Variants in ANKRD30B observed in about 807,000 individuals in gnomAD.
The protein encoded by ANKRD30B is ankyrin repeat domain-containing protein 30B.
ANKRD30B carries 144 observed loss-of-function variants against 202.2 expected under a neutral mutation model. The observed-to-expected ratio is 0.71, with a 90% CI of 0.62 to 0.82. The LOEUF is 0.82. Ranked by LOEUF, ANKRD30B falls within the 40% of genes least tolerant of loss-of-function variation. The pLI, the probability that ANKRD30B is intolerant of heterozygous loss-of-function variation, is 0.00. For synonymous variants in ANKRD30B, 508 were observed against 561.3 expected (o/e 0.91, Z 1.34); for missense variants, 1,487 against 1,669.1 (o/e 0.89, Z 1.90).
At chr18:14,913,545 G>C in the ANKRD30B span, among the ~76,000 whole-genome samples, 19 of 152,160 alleles carry the variant, frequency 1.2e-4, no homozygotes, top group Admixed American at 1.2e-3. Context: ...TCTTCATCAG[G>C]ACAGGATCTG....
rs1246274729 is a variant in ANKRD30B, at chr18:14,849,002, G to A, written c.3395+73G>A. ...AGTATGTAGGATACTTTTTGTAAAA[G>A]CTGACTTACCTTCTGAGATTTAACT... is the stretch of plus-strand genomic sequence containing the variant. On this transcript the variant is annotated intron_variant, in intron 40 of 43. Transcript: ENST00000690538. The A allele has an allele frequency of 3.0e-6, 4 of 1,350,914 alleles. No homozygotes were observed. The East Asian group carries it at 8.7e-5, about 29-fold the overall frequency. The allele number at this position is 1,350,914 out of a possible 1,614,324, so 83.7% of individuals were successfully genotyped here.
chr18:14,834,601 A>G (rs1317902060), intron 34 of ANKRD30B, among the ~76,000 whole-genome samples: 1 of 152,032 alleles, frequency 6.6e-6, no homozygotes, highest in African/African-American at 2.4e-5. Context: ...ATTTTAATAA[A>G]AAGCTGACAG....
the ANKRD30B span, among the ~76,000 whole-genome samples, chr18:14,872,434 ACTGGGAAGAGAC>A: frequency 6.6e-6 from 1 of 152,174 alleles, no homozygotes; most frequent in Non-Finnish European, 1.5e-5. Context: ...TGCATGCAGC[ACTGGGAAGAGAC>A]CTTGTTTTTT....
chr18:14,750,919 CT>C (rs36091651), intron 1 of ANKRD30B, among the ~76,000 whole-genome samples: 4 of 151,772 alleles, frequency 2.6e-5, no homozygotes, highest in African/African-American at 7.3e-5. Flanking sequence ...AATGTTTTTC[CT>C]TTTTTTATCT....
intron 6 of ANKRD30B, 102 bp downstream of exon 6, chr18:14,760,720 G>A: frequency 4.0e-6 from 3 of 752,656 alleles, no homozygotes; most frequent in Non-Finnish European, 6.6e-6. Context: ...CAAATAGCAT[G>A]TGTTTACATA....
intron 16 of ANKRD30B, 142 bp downstream of exon 16, chr18:14,791,633 A>G (rs1968516287): frequency 1.6e-6 from 1 of 644,712 alleles, no homozygotes; most frequent in Non-Finnish European, 2.6e-6. Context: ...GTGATAAGTT[A>G]TACGTCTTAT....
At chr18:14,859,150 A>C (rs1434278918), downstream of ANKRD30B, among the ~76,000 whole-genome samples, 1 of 126,290 alleles carries the variant, frequency 7.9e-6, no homozygotes, top group Admixed American at 7.4e-5. Context: ...GACCAGGAAG[A>C]GGCGCTCCTC....
At chr18:14,923,041 C>A in the ANKRD30B span, among the ~76,000 whole-genome samples, 1 of 152,182 alleles carries the variant, frequency 6.6e-6, no homozygotes, top group African/African-American at 2.4e-5. Context: ...AAGGGAAGAG[C>A]TCAGTCTTGG....
intron 34 of ANKRD30B, among the ~76,000 whole-genome samples, chr18:14,833,113 T>G (rs1293638848): frequency 6.6e-6 from 1 of 152,070 alleles, no homozygotes; most frequent in African/African-American, 2.4e-5. Context: ...ATTTTTGTAT[T>G]TTTAGTAGAG....
At chr18:14,751,094 AT>A (rs1245647279) in intron 1 of ANKRD30B, among the ~76,000 whole-genome samples, 1 of 151,972 alleles carries the variant, frequency 6.6e-6, no homozygotes, top group Non-Finnish European at 1.5e-5. Flanking sequence ...AACTTTTAGC[AT>A]CTTCAGAAGA....
chr18:14,899,071 A>G, the ANKRD30B span, among the ~76,000 whole-genome samples: 1 of 152,158 alleles, frequency 6.6e-6, no homozygotes, highest in African/African-American at 2.4e-5. Flanking sequence ...ATCTCCTTAA[A>G]AATATTTTTA....
At chr18:14,888,721 G>C in the ANKRD30B span, 2 of 844,744 alleles carry the variant, frequency 2.4e-6, no homozygotes, top group Admixed American at 5.3e-5. Flanking sequence ...ATTGCCATAG[G>C]AAGAACGTGG....
the ANKRD30B span, among the ~76,000 whole-genome samples, chr18:14,876,309 C>A: frequency 6.6e-6 from 1 of 152,190 alleles, no homozygotes; most frequent in Non-Finnish European, 1.5e-5. Context: ...ACTTGATGGT[C>A]TCTAAGATTC....
At chr18:14,874,721 A>G in the ANKRD30B span, among the ~76,000 whole-genome samples, 1 of 152,218 alleles carries the variant, frequency 6.6e-6, no homozygotes, top group Admixed American at 6.5e-5. Flanking sequence ...GCCTGGGTGT[A>G]GAAGGGACCT....
At chr18:14,831,807 A>G (rs182988947) in intron 34 of ANKRD30B, among the ~76,000 whole-genome samples, 76 of 152,314 alleles carry the variant, frequency 5.0e-4, no homozygotes, top group Middle Eastern at 6.8e-3. Flanking sequence ...GTTTCTTTGC[A>G]TAAGTAAACT....
chr18:14,939,919 T>C, the ANKRD30B span, among the ~76,000 whole-genome samples: 48 of 152,198 alleles, frequency 3.2e-4, no homozygotes, highest in Non-Finnish European at 5.6e-4. Flanking sequence ...TAATGGCCCA[T>C]GGAGGCATAA....
chr18:14,862,018 C>A, the ANKRD30B span, among the ~76,000 whole-genome samples: 39 of 152,210 alleles, frequency 2.6e-4, no homozygotes, highest in Admixed American at 8.5e-4. Context: ...ACTAAACAAT[C>A]TGCTCCTGAA....
At chr18:14,756,516 T>C (rs1391871914) in intron 4 of ANKRD30B, among the ~76,000 whole-genome samples, 2 of 152,238 alleles carry the variant, frequency 1.3e-5, no homozygotes. Context: ...TAGGTTTTCT[T>C]CTAGAGTTTT....
intron 39 of ANKRD30B, among the ~76,000 whole-genome samples, chr18:14,847,256 C>G (rs1345331885): frequency 6.6e-6 from 1 of 151,424 alleles, no homozygotes; most frequent in African/African-American, 2.4e-5. Flanking sequence ...CATCACAACT[C>G]ACCTTCAAGT....
Sources: gnomAD v4.1 joint callset for allele counts (sites outside exome capture counted in the v4.1 genomes callset) on GRCh38, gnomAD v4.1.1 for gene constraint, MANE v1.5 for transcripts, NCBI Gene and HGNC (gene_info 2026-07-23, HGNC 2026-07-21) for gene names.